The following PTPRT variants were observed in gnomAD, a reference collection of about 807,000 sequenced individuals.
The protein encoded by PTPRT is receptor-type tyrosine-protein phosphatase T.
PTPRT carries 56 observed loss-of-function variants against 176.8 expected under a neutral mutation model. The ratio of observed to expected loss-of-function variants is 0.32; its 90% confidence interval spans 0.26 to 0.40. The LOEUF is 0.40. PTPRT is among the 10% of genes least tolerant of loss of function. PTPRT has a pLI of 1.00. For missense variants in PTPRT, 1,540 were observed against 1,908.2 expected, an observed-to-expected ratio of 0.81 and a Z score of 3.60; for synonymous variants, 783 against 739.0, an observed-to-expected ratio of 1.06 and a Z score of -0.96.
chr20:42,754,006 G>C (rs1002960991), intron 6 of PTPRT, among the ~76,000 whole-genome samples: 1 of 152,132 alleles, frequency 6.6e-6, no homozygotes, highest in East Asian at 1.9e-4. Context: ...AGACCATGAG[G>C]AGCGGGAATG....
At chr20:43,043,997 AGTCC>A (rs1426405074) in intron 1 of PTPRT, among the ~76,000 whole-genome samples, 2 of 151,996 alleles carry the variant, frequency 1.3e-5, no homozygotes, top group East Asian at 3.9e-4. Context: ...GGCCTAAGGG[AGTCC>A]CAGGGCTCGT....
rs1979752122 is a variant in PTPRT, at chr20:42,930,313, T to C, written c.89-44381A>G. On this transcript the variant is annotated intron_variant, in intron 1 of 30. Transcript: ENST00000373187. ...GGGGCTGGATCCCTGCCACTGCAGG[T>C]CTTTGTTTCAGAAGATTTGGGCCCC... Among the ~76,000 whole-genome samples the C allele has an allele frequency of 2.0e-5, 3 of 152,260 alleles. No individual in the cohort carries two copies. In the South Asian group the frequency reaches 6.2e-4, roughly 32 times the overall value.
In PTPRT at chr20:42,206,591, G is replaced by T. The variant is rs533607054; in HGVS notation, c.2343-7203C>A. On this transcript the variant is annotated intron_variant, in intron 15 of 30. Transcript: ENST00000373187. ...ATTTCCGACGGGCTTAAAAAACGGCGAACCACGAGATTATATCCCACACCT... is the reference window on the plus strand; with the variant it reads ...ATTTCCGACGGGCTTAAAAAACGGCTAACCACGAGATTATATCCCACACCT... 5.9e-5 allele frequency among the ~76,000 whole-genome samples: 9 copies of T among 152,310 alleles called. No individual in the cohort carries two copies. The East Asian group carries it at 1.2e-3, about 20-fold the overall frequency.
intron 2 of PTPRT, among the ~76,000 whole-genome samples, chr20:42,846,194 G>C (rs529227585): frequency 6.6e-6 from 1 of 152,266 alleles, no homozygotes; most frequent in African/African-American, 2.4e-5. Context: ...TAATATTCCT[G>C]CTGCCATTGC....
chr20:42,143,614 G>A (rs1419180185), intron 17 of PTPRT, among the ~76,000 whole-genome samples: 1 of 151,968 alleles, frequency 6.6e-6, no homozygotes, highest in South Asian at 2.1e-4. Flanking sequence ...TGGTACCTTG[G>A]ACTCTTAGAC....
chr20:42,187,143 C>T (rs1990813806), intron 16 of PTPRT, among the ~76,000 whole-genome samples: 1 of 152,124 alleles, frequency 6.6e-6, no homozygotes, highest in Non-Finnish European at 1.5e-5. Context: ...CTCTTGGCAG[C>T]TTCTACACAC....
chr20:42,347,818 G>A (rs1222037653), intron 11 of PTPRT, among the ~76,000 whole-genome samples: 2 of 152,192 alleles, frequency 1.3e-5, no homozygotes, highest in Non-Finnish European at 2.9e-5. Flanking sequence ...CAAAAACACA[G>A]TACTTCAGAG....
At chr20:42,837,822 T>C (rs1450849661) in intron 2 of PTPRT, among the ~76,000 whole-genome samples, 3 of 151,526 alleles carry the variant, frequency 2.0e-5, no homozygotes, top group African/African-American at 7.3e-5. Flanking sequence ...AAGGAGAAAA[T>C]AGAATAATTT....
At chr20:42,518,449 T>C (rs569115949) in intron 7 of PTPRT, among the ~76,000 whole-genome samples, 2 of 152,236 alleles carry the variant, frequency 1.3e-5, no homozygotes, top group African/African-American at 4.8e-5. Context: ...ATTTCTTTCA[T>C]GGTCACAGTT....
chr20:42,998,037 T>A (rs115907928), intron 1 of PTPRT, among the ~76,000 whole-genome samples: 1 of 152,172 alleles, frequency 6.6e-6, no homozygotes, highest in African/African-American at 2.4e-5. Flanking sequence ...TGAGGGAACA[T>A]TGGCTAACAT....
chr20:42,597,795 G>A (rs1419834309), intron 7 of PTPRT, among the ~76,000 whole-genome samples: 1 of 152,112 alleles, frequency 6.6e-6, no homozygotes, highest in Non-Finnish European at 1.5e-5. Flanking sequence ...TGAGAACAGA[G>A]TAATGCATAT....
intron 7 of PTPRT, among the ~76,000 whole-genome samples, chr20:42,563,406 T>C (rs1221185449): frequency 6.6e-6 from 1 of 152,192 alleles, no homozygotes; most frequent in Non-Finnish European, 1.5e-5. Flanking sequence ...CATATGCTCT[T>C]GGTAGAATTA....
chr20:42,110,220 G>C (rs1011389200), intron 23 of PTPRT, 113 bp downstream of exon 23: 6 of 1,006,592 alleles, frequency 6.0e-6, no homozygotes, highest in Non-Finnish European at 8.3e-6. Flanking sequence ...CTAAGTTTTT[G>C]TATCTTTCTT....
intron 1 of PTPRT, among the ~76,000 whole-genome samples, chr20:43,042,589 C>T (rs1986653900): frequency 6.6e-6 from 1 of 152,166 alleles, no homozygotes; most frequent in Non-Finnish European, 1.5e-5. Context: ...GGTTTTATAA[C>T]TCTCAGCTGC....
At chr20:42,763,221 A>G (rs984747754) in intron 5 of PTPRT, among the ~76,000 whole-genome samples, 1 of 152,180 alleles carries the variant, frequency 6.6e-6, no homozygotes, top group Non-Finnish European at 1.5e-5. Flanking sequence ...GTGTCATGAC[A>G]TTATTTCCTT....
the PTPRT span, among the ~76,000 whole-genome samples, chr20:42,033,594 GGTTA>G: frequency 6.6e-6 from 1 of 152,116 alleles, no homozygotes. Context: ...TATGATGCAT[GGTTA>G]AGAGGGAAGG....
At chr20:42,688,533 C>A (rs1341897722) in intron 6 of PTPRT, 1 of 152,188 alleles carries the variant, frequency 6.6e-6, no homozygotes. Context: ...GTAATGGATT[C>A]CCTTCAATAA....
chr20:42,679,767 G>A (rs2075571231), intron 6 of PTPRT, among the ~76,000 whole-genome samples: 1 of 151,040 alleles, frequency 6.6e-6, no homozygotes, highest in African/African-American at 2.4e-5. Flanking sequence ...TTTAATATTT[G>A]CATAACAATC....
chr20:42,543,628 C>A (rs558944453), intron 7 of PTPRT, among the ~76,000 whole-genome samples: 35 of 151,890 alleles, frequency 2.3e-4, no homozygotes, highest in Non-Finnish European at 4.3e-4. Context: ...TTAATGGCAT[C>A]TAGAATGGCG....
Sources: gnomAD v4.1 joint callset for allele counts (sites outside exome capture counted in the v4.1 genomes callset) on GRCh38, gnomAD v4.1.1 for gene constraint, MANE v1.5 for transcripts, NCBI Gene and HGNC (gene_info 2026-07-23, HGNC 2026-07-21) for gene names.